Variants in EXOC6B observed in about 807,000 individuals in gnomAD.
The protein encoded by EXOC6B is SEC15 homolog B.
EXOC6B carries 54 observed loss-of-function variants against 113.5 expected under a neutral mutation model. The ratio of observed to expected loss-of-function variants is 0.48; its 90% CI spans 0.38 to 0.60. EXOC6B has a LOEUF of 0.60. EXOC6B is among the 20% of genes least tolerant of loss of function. EXOC6B has a pLI of 0.00. For missense variants in EXOC6B, 797 were observed against 977.5 expected, an observed-to-expected ratio of 0.82 and a Z score of 2.46; for synonymous variants, 357 against 339.0, an observed-to-expected ratio of 1.05 and a Z score of -0.58.
chr2:72,707,644 C>A (rs750097619), intron 6 of EXOC6B, among the ~76,000 whole-genome samples: 1 of 151,904 alleles, frequency 6.6e-6, no homozygotes, highest in Non-Finnish European at 1.5e-5. Flanking sequence ...GAACTCCTGA[C>A]CTCGTGATCC....
intron 6 of EXOC6B, among the ~76,000 whole-genome samples, chr2:72,604,163 C>T (rs62150266): frequency 6.6e-6 from 1 of 152,100 alleles, no homozygotes; most frequent in Non-Finnish European, 1.5e-5. Context: ...GTGACTCTAA[C>T]AAACTTAGGA....
intron 18 of EXOC6B, among the ~76,000 whole-genome samples, chr2:72,417,604 T>C (rs958850170): frequency 6.6e-6 from 1 of 152,214 alleles, no homozygotes; most frequent in Non-Finnish European, 1.5e-5. Context: ...TTATTAGTTA[T>C]CCAGCATACT....
chr2:72,625,253 G>A, intron 6 of EXOC6B, among the ~76,000 whole-genome samples: 1 of 150,714 alleles, frequency 6.6e-6, no homozygotes, highest in African/African-American at 2.4e-5. Context: ...GAATATATAT[G>A]TATATGTGTA....
intron 20 of EXOC6B, among the ~76,000 whole-genome samples, chr2:72,264,648 T>A (rs1245442545): frequency 6.6e-6 from 1 of 152,014 alleles, no homozygotes; most frequent in Non-Finnish European, 1.5e-5. Flanking sequence ...CACTTTGAAT[T>A]GTAATGATCC....
At chr2:72,598,559 C>T (rs1027476765) in intron 6 of EXOC6B, among the ~76,000 whole-genome samples, 6 of 151,564 alleles carry the variant, frequency 4.0e-5, no homozygotes, top group Non-Finnish European at 7.4e-5. Context: ...GAGTAGGAAA[C>T]GATGAAATTG....
chr2:72,253,539 T>A (rs1313004066), intron 20 of EXOC6B, among the ~76,000 whole-genome samples: 2 of 152,210 alleles, frequency 1.3e-5, no homozygotes, highest in African/African-American at 4.8e-5. Flanking sequence ...ATCATGTCCT[T>A]TGCAGCAACC....
intron 20 of EXOC6B, among the ~76,000 whole-genome samples, chr2:72,193,844 T>C (rs1486818071): frequency 6.7e-6 from 1 of 149,720 alleles, no homozygotes; most frequent in African/African-American, 2.5e-5. Context: ...TTCTCATCAC[T>C]GCTGCTACCT....
chr2:72,752,341 C>G (rs1682101142), intron 1 of EXOC6B, among the ~76,000 whole-genome samples: 1 of 152,190 alleles, frequency 6.6e-6, no homozygotes, highest in Non-Finnish European at 1.5e-5. Flanking sequence ...ATCCTATGTT[C>G]TAAAAATCTC....
At chr2:72,591,440 A>G (rs574250701) in intron 6 of EXOC6B, among the ~76,000 whole-genome samples, 43 of 152,262 alleles carry the variant, frequency 2.8e-4, no homozygotes, top group African/African-American at 1.0e-3. Flanking sequence ...TTTGAATGGC[A>G]TCATATTCCT....
intron 6 of EXOC6B, among the ~76,000 whole-genome samples, chr2:72,671,809 A>AAG (rs1675884405): frequency 7.1e-6 from 1 of 141,202 alleles, no homozygotes; most frequent in Admixed American, 7.3e-5. Flanking sequence ...GAAAGAAAGA[A>AAG]AGAAAGAAAG....
chr2:72,376,681 A>T (rs1245277811), intron 19 of EXOC6B, among the ~76,000 whole-genome samples: 1 of 152,112 alleles, frequency 6.6e-6, no homozygotes, highest in East Asian at 1.9e-4. Context: ...ACTATATTAA[A>T]TTATTTAAAG....
At chr2:72,580,018 G>C (rs531275529) in intron 6 of EXOC6B, among the ~76,000 whole-genome samples, 1 of 151,294 alleles carries the variant, frequency 6.6e-6, no homozygotes, top group East Asian at 1.9e-4. Flanking sequence ...GCTGCCACAA[G>C]GCTTAAATGA....
At chr2:72,556,805 C>T (rs186015572) in intron 8 of EXOC6B, among the ~76,000 whole-genome samples, 2 of 151,540 alleles carry the variant, frequency 1.3e-5, no homozygotes, top group Admixed American at 1.3e-4. Context: ...GATGTGATTA[C>T]ATGGAAACTA....
At chr2:72,652,152 T>C (rs1325530773) in intron 6 of EXOC6B, among the ~76,000 whole-genome samples, 3 of 151,430 alleles carry the variant, frequency 2.0e-5, no homozygotes, top group African/African-American at 7.3e-5. Flanking sequence ...ACATATAATG[T>C]ATTAAATTTC....
intron 6 of EXOC6B, among the ~76,000 whole-genome samples, chr2:72,599,611 G>A (rs139232599): frequency 6.6e-6 from 1 of 152,124 alleles, no homozygotes; most frequent in East Asian, 1.9e-4. Context: ...GTCTTTGTTT[G>A]CCAACCACAT....
intron 20 of EXOC6B, among the ~76,000 whole-genome samples, chr2:72,186,795 T>C (rs1424132516): frequency 6.6e-6 from 1 of 152,242 alleles, no homozygotes; most frequent in Non-Finnish European, 1.5e-5. Context: ...TTCTGGTTAA[T>C]GACACATGGG....
At chr2:72,293,386 T>C (rs1304450499) in intron 20 of EXOC6B, among the ~76,000 whole-genome samples, 2 of 152,112 alleles carry the variant, frequency 1.3e-5, no homozygotes, top group Admixed American at 6.5e-5. Context: ...GAAGAAGATA[T>C]GTTGGGGGTA....
chr2:72,357,792 C>T (rs598496), intron 19 of EXOC6B, among the ~76,000 whole-genome samples: 51,641 of 152,014 alleles, frequency 0.34, 13,702 homozygotes, highest in African/African-American at 0.74. Context: ...TCTGTTTAGA[C>T]ACACAAATTC....
intron 1 of EXOC6B, among the ~76,000 whole-genome samples, chr2:72,750,479 T>C (rs1377741689): frequency 6.6e-6 from 1 of 152,134 alleles, no homozygotes; most frequent in Non-Finnish European, 1.5e-5. Flanking sequence ...CATGGCCTAT[T>C]GCCCACACAA....
Sources: allele counts gnomAD v4.1 joint callset (sites outside exome capture counted in the v4.1 genomes callset), GRCh38; gene constraint gnomAD v4.1.1; transcripts MANE v1.5; gene names NCBI Gene and HGNC (gene_info 2026-07-23, HGNC 2026-07-21).